Variants in CAPZB observed in about 807,000 individuals in gnomAD.
The protein encoded by CAPZB is capping actin protein of muscle Z-line subunit beta.
A neutral mutation model predicts 38.1 loss-of-function variants in CAPZB; 2 were observed. The observed-to-expected ratio is 0.05, with a 90% CI of 0.02 to 0.17. The LOEUF (loss-of-function observed/expected upper bound fraction) is 0.17. Among genes scored for constraint, CAPZB ranks in the 10% least tolerant of loss-of-function variants. The pLI is 1.00. For missense variants in CAPZB, 161 were observed against 334.2 expected (o/e 0.48, Z 4.04); for synonymous variants, 107 against 127.4 (o/e 0.84, Z 1.08).
intron 1 of CAPZB, among the ~76,000 whole-genome samples, chr1:19,429,757 A>G (rs1193912436): frequency 2.0e-5 from 3 of 152,196 alleles, no homozygotes; most frequent in Non-Finnish European, 4.4e-5. Flanking sequence ...TCAGGCTGCC[A>G]GGAGTCTCTA....
At chr1:19,428,761 C>G (rs576729459) in intron 1 of CAPZB, among the ~76,000 whole-genome samples, 133 of 152,272 alleles carry the variant, frequency 8.7e-4, no homozygotes, top group African/African-American at 2.9e-3. Flanking sequence ...CCTTCTCCCC[C>G]GTGAGTCTTT....
At chr1:19,397,930 C>T (rs1398209921) in intron 2 of CAPZB, among the ~76,000 whole-genome samples, 1 of 152,156 alleles carries the variant, frequency 6.6e-6, no homozygotes, top group African/African-American at 2.4e-5. Context: ...GGCTCATGAT[C>T]GCCCAGAGGG....
intron 2 of CAPZB, among the ~76,000 whole-genome samples, chr1:19,416,574 C>T (rs2094380190): frequency 6.6e-6 from 1 of 152,136 alleles, no homozygotes; most frequent in African/African-American, 2.4e-5. Context: ...AGCCCACCTC[C>T]ACCAGCTCTA....
chr1:19,412,825 A>G (rs895417242), intron 2 of CAPZB, among the ~76,000 whole-genome samples: 1 of 152,230 alleles, frequency 6.6e-6, no homozygotes, highest in Admixed American at 6.5e-5. Flanking sequence ...CGACCATTAA[A>G]GAGCCTCTAA....
intron 1 of CAPZB, among the ~76,000 whole-genome samples, chr1:19,481,984 A>C (rs961363226): frequency 6.6e-6 from 1 of 152,222 alleles, no homozygotes; most frequent in Admixed American, 6.5e-5. Flanking sequence ...AGCTGAATTA[A>C]CATTATCCTG....
intron 1 of CAPZB, among the ~76,000 whole-genome samples, chr1:19,444,624 C>A (rs1343682746): frequency 2.0e-5 from 3 of 152,194 alleles, no homozygotes; most frequent in Non-Finnish European, 4.4e-5. Flanking sequence ...GAAACTGACA[C>A]AAAGGAACCA....
intron 4 of CAPZB, among the ~76,000 whole-genome samples, chr1:19,377,989 C>A (rs187357982): frequency 4.5e-4 from 69 of 152,298 alleles, no homozygotes; most frequent in African/African-American, 1.6e-3. Context: ...GAGGCAGAGG[C>A]CCCTGAGCTC....
In CAPZB at chr1:19,396,598, C is replaced by A. The variant is rs942132406; in HGVS notation, c.94-10972G>T. Among the ~76,000 whole-genome samples, 8 of 152,238 alleles carry A rather than the reference C, an allele frequency of 5.3e-5. No individual in the cohort carries two copies. In the South Asian group the frequency reaches 1.7e-3, roughly 32 times the overall value. ...AGCACGGGGTAGCTGCTGTTCTCTT[C>A]CCGGACGGTCCTCAGTCCTCGGTCC... is the stretch of plus-strand genomic sequence containing the variant. On this transcript the variant is annotated intron_variant, in intron 2 of 8. Transcript: ENST00000264202.
intron 7 of CAPZB, 122 bp from the exon 8 acceptor site, chr1:19,344,556 C>G (rs2093950397): frequency 2.6e-6 from 2 of 772,452 alleles, no homozygotes; most frequent in Non-Finnish European, 4.6e-6. Flanking sequence ...CACGCCTGCT[C>G]TGGGGCATCA....
chr1:19,387,154 T>G (rs1276954128), intron 2 of CAPZB, among the ~76,000 whole-genome samples: 1 of 152,070 alleles, frequency 6.6e-6, no homozygotes, highest in Non-Finnish European at 1.5e-5. Context: ...TTTTACAGAT[T>G]AGAGTTGAGG....
intron 1 of CAPZB, among the ~76,000 whole-genome samples, chr1:19,423,648 C>G (rs1316231599): frequency 6.6e-6 from 1 of 151,430 alleles, no homozygotes; most frequent in Non-Finnish European, 1.5e-5. Context: ...TCTCAGCCTC[C>G]TAAGTAGCTT....
chr1:19,435,342 A>T (rs2094454876), intron 1 of CAPZB, among the ~76,000 whole-genome samples: 1 of 150,308 alleles, frequency 6.7e-6, no homozygotes. Flanking sequence ...GGAGCTTAAC[A>T]TCCTTCCATG....
chr1:19,343,913 CCTGAGAAGGCCCGGA>C (rs1351818072), intron 8 of CAPZB, among the ~76,000 whole-genome samples: 1 of 152,170 alleles, frequency 6.6e-6, no homozygotes, highest in Non-Finnish European at 1.5e-5. Flanking sequence ...AGGCTGGGGG[CCTGAGAAGGCCCGGA>C]CTGAGGGCCC....
chr1:19,484,885 G>C (rs1479672988), intron 1 of CAPZB, among the ~76,000 whole-genome samples: 1 of 152,202 alleles, frequency 6.6e-6, no homozygotes, highest in Non-Finnish European at 1.5e-5. Flanking sequence ...TCAGGCTGAG[G>C]CCACGGAGAA....
intron 3 of CAPZB, among the ~76,000 whole-genome samples, chr1:19,382,213 C>A (rs138483963): frequency 6.6e-6 from 1 of 152,138 alleles, no homozygotes; most frequent in African/African-American, 2.4e-5. Context: ...GGCTCACAGA[C>A]GATAGCATTT....
intron 4 of CAPZB, among the ~76,000 whole-genome samples, chr1:19,360,183 C>T (rs187563456): frequency 5.3e-5 from 8 of 152,318 alleles, no homozygotes; most frequent in African/African-American, 1.9e-4. Flanking sequence ...ACTTACGAGG[C>T]ACATCAATAC....
chr1:19,342,945 G>C, intron 8 of CAPZB: 2 of 885,820 alleles, frequency 2.3e-6, no homozygotes, highest in Non-Finnish European at 3.8e-6. Flanking sequence ...CACAGCTGAG[G>C]AGGAAATTCA....
At chr1:19,368,223 A>G (rs1308951299) in intron 4 of CAPZB, among the ~76,000 whole-genome samples, 3 of 152,152 alleles carry the variant, frequency 2.0e-5, no homozygotes, top group Non-Finnish European at 4.4e-5. Context: ...GCCCCATGCC[A>G]GGCTGCCTGG....
At chr1:19,467,923 TC>T (rs1355034936) in intron 1 of CAPZB, among the ~76,000 whole-genome samples, 1 of 152,158 alleles carries the variant, frequency 6.6e-6, no homozygotes, top group Non-Finnish European at 1.5e-5. Flanking sequence ...CTGTGCCCAT[TC>T]CACCCCTGCA....
Sources: gnomAD v4.1 joint callset for allele counts (sites outside exome capture counted in the v4.1 genomes callset) on GRCh38, gnomAD v4.1.1 for gene constraint, MANE v1.5 for transcripts, NCBI Gene and HGNC (gene_info 2026-07-23, HGNC 2026-07-21) for gene names.